KAZN: variants seen among roughly 807,000 people sequenced by gnomAD.
KAZN encodes the protein kazrin.
KAZN carries 40 observed loss-of-function variants against 87.4 expected under a neutral mutation model. The ratio of observed to expected loss-of-function variants is 0.46; its 90% CI spans 0.36 to 0.60. The LOEUF is 0.60. Among genes scored for constraint, KAZN ranks in the 20% least tolerant of loss-of-function variants. The pLI is 0.00. For missense variants in KAZN, 898 were observed against 1,073.9 expected (o/e 0.84, Z 2.29); for synonymous variants, 466 against 458.3 (o/e 1.02, Z -0.22).
At chr1:14,592,373 G>A (rs139554931) in intron 2 of KAZN, among the ~76,000 whole-genome samples, 57 of 152,258 alleles carry the variant, frequency 3.7e-4, no homozygotes, top group Admixed American at 7.8e-4. Context: ...TATTTCACAC[G>A]TGCTCAGTGT....
chr1:14,868,269 G>A (rs1007419495), intron 1 of KAZN, among the ~76,000 whole-genome samples: 2 of 152,258 alleles, frequency 1.3e-5, no homozygotes, highest in Admixed American at 6.5e-5. Context: ...CCAGGGCTGC[G>A]TCTGAGGCCA....
chr1:14,988,306 G>A (rs989462241), intron 2 of KAZN, among the ~76,000 whole-genome samples: 4 of 152,314 alleles, frequency 2.6e-5, no homozygotes, highest in South Asian at 2.1e-4. Flanking sequence ...CACAGAACGC[G>A]CCCCTCCCCT....
At chr1:14,928,114 C>T (rs1659368670) in intron 1 of KAZN, among the ~76,000 whole-genome samples, 2 of 152,220 alleles carry the variant, frequency 1.3e-5, no homozygotes, top group South Asian at 2.1e-4. Context: ...AGACCGTAGA[C>T]CTCAGCAGTA....
intron 2 of KAZN, among the ~76,000 whole-genome samples, chr1:14,520,551 C>A (rs775012097): frequency 6.6e-6 from 1 of 152,164 alleles, no homozygotes; most frequent in African/African-American, 2.4e-5. Flanking sequence ...ATGGGACAAC[C>A]AAGAGAGCTC....
chr1:14,160,859 C>T (rs931322264), intron 1 of KAZN, among the ~76,000 whole-genome samples: 4 of 152,174 alleles, frequency 2.6e-5, no homozygotes, highest in Non-Finnish European at 5.9e-5. Context: ...TAGAAGATTG[C>T]ATCTGATGAC....
intron 1 of KAZN, among the ~76,000 whole-genome samples, chr1:14,888,189 G>C (rs1424288530): frequency 6.6e-6 from 1 of 152,170 alleles, no homozygotes; most frequent in Non-Finnish European, 1.5e-5. Flanking sequence ...CGCCGGAGCG[G>C]TGCTTTCAGA....
intron 1 of KAZN, among the ~76,000 whole-genome samples, chr1:14,793,107 C>T (rs540013969): frequency 1.4e-4 from 21 of 152,182 alleles, no homozygotes; most frequent in African/African-American, 4.8e-4. Context: ...TGATGGCTTT[C>T]AGCAGGATAG....
intron 2 of KAZN, among the ~76,000 whole-genome samples, chr1:14,443,925 T>C (rs987787877): frequency 5.3e-5 from 8 of 152,174 alleles, no homozygotes; most frequent in African/African-American, 1.9e-4. Context: ...ATTTTTTTTG[T>C]AAATCCTAAG....
At chr1:14,652,192 T>C (rs1256655744) in intron 1 of KAZN, among the ~76,000 whole-genome samples, 2 of 152,202 alleles carry the variant, frequency 1.3e-5, no homozygotes, top group East Asian at 1.9e-4. Context: ...AGCCCAGGCA[T>C]GTAATTTTGA....
intron 2 of KAZN, among the ~76,000 whole-genome samples, chr1:14,405,438 A>G (rs1231643029): frequency 3.9e-5 from 6 of 152,198 alleles, no homozygotes; most frequent in South Asian, 4.1e-4. Flanking sequence ...TGGCAGTCCT[A>G]TAAGAGTAGT....
intron 1 of KAZN, among the ~76,000 whole-genome samples, chr1:14,039,782 A>G (rs938877699): frequency 5.3e-5 from 8 of 151,788 alleles, no homozygotes; most frequent in Non-Finnish European, 1.2e-4. Flanking sequence ...ATGCTGGGCG[A>G]CCTCTCCAGC....
intron 2 of KAZN, among the ~76,000 whole-genome samples, chr1:14,430,307 C>CTG (rs890813903): frequency 5.5e-4 from 83 of 151,456 alleles, no homozygotes; most frequent in African/African-American, 1.8e-3. Flanking sequence ...CACATGTTTG[C>CTG]TGTGTGTGTG....
intron 1 of KAZN, among the ~76,000 whole-genome samples, chr1:14,017,292 C>T (rs866116957): frequency 6.6e-6 from 1 of 152,212 alleles, no homozygotes; most frequent in African/African-American, 2.4e-5. Flanking sequence ...AGACTCAGAG[C>T]CCTCAAATCT....
At chr1:14,506,253 G>C (rs1317340301) in intron 2 of KAZN, among the ~76,000 whole-genome samples, 1 of 152,060 alleles carries the variant, frequency 6.6e-6, no homozygotes, top group South Asian at 2.1e-4. Flanking sequence ...TCTTTACTTG[G>C]AAAACTCTTA....
Position 13,963,978 on chromosome 1 carries a change from C to G in KAZN, c.91+70222C>G, listed in dbSNP as rs148203514. 2.1e-3 allele frequency among the ~76,000 whole-genome samples: 317 copies of G among 152,254 alleles called. 1 individual carries two copies. The highest frequency in any genetic ancestry group is 7.2e-3 in the African/African-American group (299 of 41,540). The stretch of plus-strand genomic sequence containing the variant: ...AAAACGGGATAAGAGTATCTACCTC[C>G]TAATGCTGTTGTGAGAGTTAAATAG... On this transcript the variant is annotated intron_variant, in intron 1 of 16. Transcript: ENST00000636203.
At chr1:14,122,173 G>A (rs957099313) in intron 1 of KAZN, among the ~76,000 whole-genome samples, 2 of 152,160 alleles carry the variant, frequency 1.3e-5, no homozygotes, top group African/African-American at 4.8e-5. Flanking sequence ...TGCCAGCAGT[G>A]GAGGGGGTAA....
intron 1 of KAZN, among the ~76,000 whole-genome samples, chr1:14,926,536 G>C (rs989607926): frequency 1.7e-4 from 26 of 152,190 alleles, no homozygotes; most frequent in Non-Finnish European, 1.9e-4. Flanking sequence ...AAACCAGAAA[G>C]TTTTGAGTTT....
chr1:13,947,503 G>A (rs1410918453), intron 1 of KAZN, among the ~76,000 whole-genome samples: 1 of 152,166 alleles, frequency 6.6e-6, no homozygotes, highest in Admixed American at 6.5e-5. Context: ...GGGACGCAGA[G>A]CCAAACCATA....
chr1:14,287,890 G>C (rs1013483237), intron 2 of KAZN, among the ~76,000 whole-genome samples: 3 of 152,146 alleles, frequency 2.0e-5, no homozygotes, highest in African/African-American at 7.2e-5. Context: ...CAGCATGAAG[G>C]GCTGTTGAAT....
Sources: allele counts gnomAD v4.1 joint callset (sites outside exome capture counted in the v4.1 genomes callset), GRCh38; gene constraint gnomAD v4.1.1; transcripts MANE v1.5; gene names NCBI Gene and HGNC (gene_info 2026-07-23, HGNC 2026-07-21).